COMMD1: variants seen among roughly 807,000 people sequenced by gnomAD.
COMMD1 encodes the protein COMM domain-containing protein 1.
A neutral mutation model predicts 17.2 loss-of-function variants in COMMD1; 10 were observed. That is an observed-to-expected ratio of 0.58 (90% CI 0.36 to 0.99). The LOEUF (loss-of-function observed/expected upper bound fraction) is 0.99, where lower values mean the gene tolerates loss of function less well. COMMD1 is among the 50% of genes least tolerant of loss of function. The pLI is 0.01. For synonymous variants in COMMD1, 97 were observed against 91.6 expected (o/e 1.06, Z -0.34); for missense variants, 270 against 231.8 (o/e 1.17, Z -1.07).
chr2:61,943,034 G>C (rs1419410358), intron 1 of COMMD1, among the ~76,000 whole-genome samples: 1 of 152,174 alleles, frequency 6.6e-6, no homozygotes, highest in East Asian at 1.9e-4. Context: ...ATAGTAAAAA[G>C]AAACGGTTGG....
intron 2 of COMMD1, among the ~76,000 whole-genome samples, chr2:62,043,457 C>T (rs1213393340): frequency 6.6e-6 from 1 of 152,100 alleles, no homozygotes; most frequent in Non-Finnish European, 1.5e-5. Flanking sequence ...CAGGTATGAG[C>T]CACCAAGCCC....
intron 1 of COMMD1, among the ~76,000 whole-genome samples, chr2:61,986,265 G>A (rs1672102809): frequency 6.6e-6 from 1 of 151,838 alleles, no homozygotes; most frequent in South Asian, 2.1e-4. Flanking sequence ...GAGCTCCATT[G>A]CATGTTATTT....
At chr2:61,925,757 G>A (rs1216918210) in intron 1 of COMMD1, among the ~76,000 whole-genome samples, 2 of 152,074 alleles carry the variant, frequency 1.3e-5, no homozygotes, top group Non-Finnish European at 2.9e-5. Context: ...AATTTAAAAG[G>A]ACTCACATTC....
At chr2:61,969,347 A>T (rs13011941) in intron 1 of COMMD1, among the ~76,000 whole-genome samples, 19,318 of 152,074 alleles carry the variant, frequency 0.13, 1,495 homozygotes, top group East Asian at 0.22. Flanking sequence ...TGATGGCATA[A>T]ATCAGGATTA....
At chr2:62,110,717 T>C (rs1672434207) in intron 2 of COMMD1, among the ~76,000 whole-genome samples, 1 of 152,278 alleles carries the variant, frequency 6.6e-6, no homozygotes, top group Non-Finnish European at 1.5e-5. Context: ...GCTTGTACTT[T>C]AACCTTTTGT....
rs893052725 is a variant in COMMD1, at chr2:62,019,187, C to G, written c.462+18205C>G. 2.4e-5 allele frequency among the ~76,000 whole-genome samples: 3 copies of G among 124,666 alleles called. No homozygotes were observed. In the East Asian group the frequency reaches 8.2e-4, roughly 34 times the overall value. The allele number at this position is 124,666 out of a possible 152,430, so 81.8% of individuals were successfully genotyped here. A position where few individuals can be genotyped will look rare whatever the true frequency, so the allele number is the denominator to read the frequency against. The stretch of plus-strand genomic sequence containing the variant: ...CCTCCTTTCTCTTTTCTTTCATTTT[C>G]TTTTTGATGGAGTTTCACTCTTGTT... On this transcript the variant is annotated intron_variant, in intron 2 of 2. Coordinates refer to ENST00000311832, the MANE Select transcript of COMMD1 (RefSeq NM_152516.4).
chr2:62,103,013 C>G (rs1412969446), intron 2 of COMMD1, among the ~76,000 whole-genome samples: 3 of 148,712 alleles, frequency 2.0e-5, no homozygotes, highest in African/African-American at 5.0e-5. Context: ...GAGGCTCGCT[C>G]TGTTGCCCAG....
intron 1 of COMMD1, among the ~76,000 whole-genome samples, chr2:61,896,649 G>A (rs1669554088): frequency 6.6e-6 from 1 of 152,058 alleles, no homozygotes; most frequent in African/African-American, 2.4e-5. Context: ...TCCTGAAGTA[G>A]TTGAGAACAC....
chr2:61,905,927 C>G lies in COMMD1; in HGVS notation c.180+69C>G, dbSNP rs56175809. The stretch of plus-strand genomic sequence containing the variant: ...TGGCCGCTGGCTTCAGACTCTCCCC[C>G]CCTTGCCTTCCCCTGTCCTCACAAG... On this transcript the variant is annotated intron_variant, in intron 1 of 2. Coordinates refer to ENST00000311832, the MANE Select transcript of COMMD1 (RefSeq NM_152516.4). 8.0e-3 allele frequency: 11,860 copies of G among 1,484,966 alleles called. 59 individuals are homozygous for G. The highest frequency in any genetic ancestry group is 0.014 in the East Asian group (623 of 44,186). The allele number at this position is 1,484,966 out of a possible 1,614,324, so 92.0% of individuals were successfully genotyped here.
chr2:61,912,464 C>G (rs1036199481), intron 1 of COMMD1, among the ~76,000 whole-genome samples: 1 of 152,246 alleles, frequency 6.6e-6, no homozygotes, highest in Middle Eastern at 3.4e-3. Flanking sequence ...AGGCCAGGTG[C>G]GGTGGCTCAT....
At chr2:62,065,561 C>G (rs1432863416) in intron 2 of COMMD1, among the ~76,000 whole-genome samples, 1 of 151,894 alleles carries the variant, frequency 6.6e-6, no homozygotes, top group Non-Finnish European at 1.5e-5. Context: ...CTCAAGCCAT[C>G]CCCCTGCCTC....
At chr2:61,957,207 C>G (rs1009542046) in intron 1 of COMMD1, among the ~76,000 whole-genome samples, 2 of 151,934 alleles carry the variant, frequency 1.3e-5, no homozygotes. Context: ...GAACTCCCAC[C>G]TCAGCCTTCT....
intron 2 of COMMD1, among the ~76,000 whole-genome samples, chr2:62,002,920 C>G (rs1331554637): frequency 1.3e-5 from 2 of 151,850 alleles, no homozygotes; most frequent in African/African-American, 4.8e-5. Flanking sequence ...TACTTGTTGA[C>G]TAGTTTGTCT....
At chr2:62,003,634 A>C (rs996734010) in intron 2 of COMMD1, among the ~76,000 whole-genome samples, 1 of 150,804 alleles carries the variant, frequency 6.6e-6, no homozygotes, top group Non-Finnish European at 1.5e-5. Context: ...ACACACACAC[A>C]CACACACCCA....
intron 2 of COMMD1, among the ~76,000 whole-genome samples, chr2:62,018,876 A>G (rs1175572223): frequency 6.6e-6 from 1 of 152,164 alleles, no homozygotes; most frequent in Non-Finnish European, 1.5e-5. Context: ...TTGAGGTGCT[A>G]GTAGGTTTTG....
intron 1 of COMMD1, among the ~76,000 whole-genome samples, chr2:61,918,179 A>G (rs1670097082): frequency 6.6e-6 from 1 of 152,228 alleles, no homozygotes; most frequent in South Asian, 2.1e-4. Flanking sequence ...TTATTATCCA[A>G]AAAGATGTCT....
At chr2:61,914,185 A>C (rs1190963408) in intron 1 of COMMD1, among the ~76,000 whole-genome samples, 1 of 152,014 alleles carries the variant, frequency 6.6e-6, no homozygotes, top group Non-Finnish European at 1.5e-5. Flanking sequence ...TAAATAAATA[A>C]ATAAAATTGG....
chr2:61,977,241 C>CTTT lies in COMMD1; in HGVS notation c.181-23440_181-23438dup, dbSNP rs1160361696. On this transcript the variant is annotated intron_variant, in intron 1 of 2. Coordinates refer to ENST00000311832, the MANE Select transcript of COMMD1 (RefSeq NM_152516.4). ...AAACTGCTGTAAAAAATAAAGTTTG[C>CTTT]TTTTTTTTTTTTTTTTTTTTTTGAG... Among the ~76,000 whole-genome samples the CTTT allele has an allele frequency of 4.6e-3, 406 of 88,776 alleles. 3 individuals carry two copies. The highest frequency in any genetic ancestry group is 5.6e-3 in the Non-Finnish European group (261 of 46,304). 58.2% of individuals were successfully genotyped at this position (88,776 alleles called of 152,430 possible). A position where few individuals can be genotyped will look rare whatever the true frequency, so the allele number is the denominator to read the frequency against.
At chr2:61,958,673 T>C (rs1036061080) in intron 1 of COMMD1, among the ~76,000 whole-genome samples, 6 of 152,240 alleles carry the variant, frequency 3.9e-5, no homozygotes, top group Admixed American at 3.3e-4. Context: ...ACAGACCTTA[T>C]TTTCATTATC....
Sources: allele counts gnomAD v4.1 joint callset (sites outside exome capture counted in the v4.1 genomes callset), GRCh38; gene constraint gnomAD v4.1.1; transcripts MANE v1.5; gene names NCBI Gene and HGNC (gene_info 2026-07-23, HGNC 2026-07-21).